Variants in ZNF891 observed in about 807,000 individuals in gnomAD.
ZNF891 encodes zinc finger protein 891.
For missense variants in ZNF891, 589 were observed against 632.7 expected (o/e 0.93, Z 0.74); for synonymous variants, 199 against 209.0 (o/e 0.95, Z 0.41).
At position 133,116,097 on chromosome 12, in the gene ZNF891, C is replaced by T. The variant is rs1338430033; in HGVS notation, c.*4187G>A. The T allele has an allele frequency of 6.6e-6, 1 of 152,134 alleles. No homozygotes were observed. The highest frequency in any genetic ancestry group is 2.4e-5 in the African/African-American group (1 of 41,406). The allele number at this position is 152,134 out of a possible 1,614,324, so 9.4% of individuals were successfully genotyped here. On this transcript the variant is annotated 3_prime_UTR_variant, in exon 2 of 2. Transcript: ENST00000537226. ...TCCTTAAGATGATCTCACCCAAGGA[C>T]CACATGCAGTTGGGACGATTTTCTT...
In ZNF891 at chr12:133,123,709, GA is replaced by G. The variant is rs760585563; in HGVS notation, c.-106-1686del. Among the ~76,000 whole-genome samples the G allele has an allele frequency of 3.7e-3, 484 of 131,722 alleles. 1 individual carries two copies. Among genetic ancestry groups the G allele is most frequent in the African/African-American group, 0.011 (408 of 35,990 alleles). The allele number at this position is 131,722 out of a possible 152,430, so 86.4% of individuals were successfully genotyped here. On this transcript the variant is annotated intron_variant, in intron 1 of 1. Transcript: ENST00000537226. ...GGCAACGGAGTGAAATCCTTTGCTT[GA>G]AAAAAAAAAAACAAAAACACACACA...
Position 133,121,136 on chromosome 12 carries a change from T to A in ZNF891, c.783A>T (p.Gln261His). Residue 261 changes from glutamine to histidine, a missense_variant, in exon 2 of 2, where the codon CAA becomes CAT. Physicochemically the swap from Gln to His is conservative, Grantham distance 24 (BLOSUM62 0). Transcript: ENST00000537226. ...DTTLWHFQRN[Q>H]TVQKEYTYSK... ...AATATGTGTACTCTTTTTGTACTGTTTGATTTCTCTGAAAATGCCATAGAG... is the reference window on the plus strand; with the variant it reads ...AATATGTGTACTCTTTTTGTACTGTATGATTTCTCTGAAAATGCCATAGAG... 6.5e-7 allele frequency: 1 copy of A among 1,535,382 alleles called. No individual in the cohort carries two copies.
At position 133,106,713 on chromosome 12, in the gene ZNF891, T is replaced by TA; in HGVS notation, c.*13570dup. 1 of 1,400,480 alleles carries TA rather than the reference T, an allele frequency of 7.1e-7. No homozygotes were observed. The highest frequency in any genetic ancestry group is 9.6e-7 in the Non-Finnish European group (1 of 1,044,678). 86.8% of individuals were successfully genotyped at this position (1,400,480 alleles called of 1,614,324 possible). A position where few individuals can be genotyped will look rare whatever the true frequency, so the allele number is the denominator to read the frequency against. On this transcript the variant is annotated 3_prime_UTR_variant, in exon 2 of 2. Coordinates refer to ENST00000537226, the MANE Select transcript of ZNF891 (RefSeq NM_001277291.2). ...TTTTTTAAAAAGAAGTATAATGCCT[T>TA]ACTTCAGAGAACTCTTGGAAAGAAG...
intron 1 of ZNF891, among the ~76,000 whole-genome samples, chr12:133,124,534 T>TAGA (rs1045334821): frequency 1.1e-4 from 16 of 151,748 alleles, no homozygotes; most frequent in African/African-American, 3.9e-4. Context: ...GAAGGTAAAC[T>TAGA]AGAATATCAA....
Position 133,106,341 on chromosome 12 carries a change from A to G in ZNF891, c.*13943T>C, listed in dbSNP as rs774629924. 9.9e-6 allele frequency: 16 copies of G among 1,614,154 alleles called. No homozygotes were observed. The South Asian group carries it at 1.8e-4, about 18-fold the overall frequency. On this transcript the variant is annotated 3_prime_UTR_variant, in exon 2 of 2. Transcript: ENST00000537226. ...CATCAGAGAATTCATGCTGGAGAAAAGCTCTATGAATGTGATGAATGTGGT... is the reference window on the plus strand; with the variant it reads ...CATCAGAGAATTCATGCTGGAGAAAGGCTCTATGAATGTGATGAATGTGGT...
In ZNF891 at chr12:133,117,757, A is replaced by G. The variant is rs78271584; in HGVS notation, c.*2527T>C. On this transcript the variant is annotated 3_prime_UTR_variant, in exon 2 of 2. Transcript: ENST00000537226. ...CTATTATTCAAACTTGTCTACATCC[A>G]GTCTTTACTTCTTTGCCCTTTATTG... is the stretch of plus-strand genomic sequence containing the variant. The G allele has an allele frequency of 0.018, 2,803 of 152,276 alleles. 70 individuals are homozygous for G. The highest frequency in any genetic ancestry group is 0.063 in the African/African-American group (2,611 of 41,556). 9.4% of individuals were successfully genotyped at this position (152,276 alleles called of 1,614,324 possible). A position where few individuals can be genotyped will look rare whatever the true frequency, so the allele number is the denominator to read the frequency against.
At position 133,126,429 on chromosome 12, in the gene ZNF891, G is replaced by A. The variant is rs184288976; in HGVS notation, c.-107+3798C>T. Among the ~76,000 whole-genome samples the A allele has an allele frequency of 3.9e-4, 54 of 136,980 alleles. No homozygotes were observed. The East Asian group carries it at 9.9e-3, about 25-fold the overall frequency. The allele number at this position is 136,980 out of a possible 152,430, so 89.9% of individuals were successfully genotyped here. ...GTGGAGCTTGCAGTGAGCCGAGGTC[G>A]TACCACTGCACTCCAGCCTGGGCAA... On this transcript the variant is annotated intron_variant, in intron 1 of 1. Transcript: ENST00000537226.
chr12:133,113,232 C>T lies in ZNF891; in HGVS notation c.*7052G>A, dbSNP rs918346615. On this transcript the variant is annotated 3_prime_UTR_variant, in exon 2 of 2. Transcript: ENST00000537226. ...TTTACAACTTTGAAGATATTAAAAT[C>T]ATGCTTTAAAAAGTATTTATTAAAA... 6.6e-6 allele frequency: 1 copy of T among 151,366 alleles called. No individual in the cohort carries two copies. The allele number at this position is 151,366 out of a possible 1,614,324, so 9.4% of individuals were successfully genotyped here. A position where few individuals can be genotyped will look rare whatever the true frequency, so the allele number is the denominator to read the frequency against.
rs1312223087 is a variant in ZNF891 at position 133,110,305 on chromosome 12, G to C, written c.*9979C>G. The C allele has an allele frequency of 6.6e-6, 1 of 152,126 alleles. No individual in the cohort carries two copies. Among genetic ancestry groups the C allele is most frequent in the Non-Finnish European group, 1.5e-5 (1 of 68,022 alleles). The allele number at this position is 152,126 out of a possible 1,614,324, so 9.4% of individuals were successfully genotyped here. A position where few individuals can be genotyped will look rare whatever the true frequency, so the allele number is the denominator to read the frequency against. On this transcript the variant is annotated 3_prime_UTR_variant, in exon 2 of 2. Transcript: ENST00000537226. ...TATTAATTTGGCTCTCATGATCTGG[G>C]GACTGGTTAAGTGTGTTCTATTTGG...
In ZNF891 at chr12:133,120,725, G is replaced by A; in HGVS notation, c.1194C>T (p.His398=). ...TACATTCATAAGGTTTCTCTCCAGT[G>A]TGAGTTCTCATGTGAGCCTTAAGGG... ...KTSLKAHMRT[H]TGEKPYECNQ... is the part of the protein sequence containing the mutation. The change falls in exon 2 of 2, where the codon CAC becomes CAT. Residue 398 remains histidine (H), a synonymous_variant. Transcript: ENST00000537226. 6.4e-7 allele frequency: 1 copy of A among 1,567,614 alleles called. No homozygotes were observed. The highest frequency in any genetic ancestry group is 8.6e-7 in the Non-Finnish European group (1 of 1,157,058).
chr12:133,120,512 G>A lies in ZNF891; in HGVS notation c.1407C>T (p.Phe469=), dbSNP rs780554133. The A allele has an allele frequency of 2.5e-5, 39 of 1,583,540 alleles. No individual in the cohort carries two copies. In the Middle Eastern group the frequency reaches 5.0e-4, roughly 20 times the overall value. The part of the protein sequence containing the change: ...VYECSDCGKV[F]SGVSSLRMHI... ...GCATTCTAAGGGATGAGACCCCACTGAAAACTTTCCCACAGTCACTGCATT... is the reference window on the plus strand; with the variant it reads ...GCATTCTAAGGGATGAGACCCCACTAAAAACTTTCCCACAGTCACTGCATT... The change falls in exon 2 of 2, where the codon TTC becomes TTT. Residue 469 remains phenylalanine (F), a synonymous_variant. Coordinates refer to ENST00000537226, the MANE Select transcript of ZNF891 (RefSeq NM_001277291.2).
rs1428247191 is a variant in ZNF891, at chr12:133,105,656, A to G, written c.*14628T>C. 14 of 1,614,114 alleles carry G rather than the reference A, an allele frequency of 8.7e-6. No homozygotes were observed. The African/African-American group carries it at 1.3e-4, about 15-fold the overall frequency. On this transcript the variant is annotated 3_prime_UTR_variant, in exon 2 of 2. Transcript: ENST00000537226. ...AGGAGGCTGGAAATGCAAGGATCAT[A>G]CTGAGATGCTGCAAGAAAATCAGGG...
chr12:133,129,592 G>C (rs1384146349), intron 1 of ZNF891, among the ~76,000 whole-genome samples: 2 of 152,108 alleles, frequency 1.3e-5, no homozygotes, highest in East Asian at 1.9e-4. Context: ...GAGGCGGGCG[G>C]GGGGCGGTGA....
Position 133,107,316 on chromosome 12 carries a change from A to G in ZNF891, c.*12968T>C, listed in dbSNP as rs1169513576. ...AATCTCCTTAGATATCTGAAAAGTC[A>G]TACTGGATGGAATCTGTAGGAAACG... On this transcript the variant is annotated 3_prime_UTR_variant, in exon 2 of 2. Transcript: ENST00000537226. 2 of 152,240 alleles carry G rather than the reference A, an allele frequency of 1.3e-5. No individual in the cohort carries two copies. Among genetic ancestry groups the G allele is most frequent in the Non-Finnish European group, 2.9e-5 (2 of 68,038 alleles). 9.4% of individuals were successfully genotyped at this position (152,240 alleles called of 1,614,324 possible). A position where few individuals can be genotyped will look rare whatever the true frequency, so the allele number is the denominator to read the frequency against.
Position 133,119,373 on chromosome 12 carries a change from G to A in ZNF891, c.*911C>T, listed in dbSNP as rs113091293. ...AACCTGGCCAACATGGTGAAACCCC[G>A]TCTCTATTAAAAATACTAAAATTAG... is the stretch of plus-strand genomic sequence containing the variant. On this transcript the variant is annotated 3_prime_UTR_variant, in exon 2 of 2. Transcript: ENST00000537226. The A allele has an allele frequency of 4.3e-3, 652 of 151,880 alleles. 4 individuals are homozygous for A. The highest frequency in any genetic ancestry group is 0.015 in the African/African-American group (628 of 41,404). 9.4% of individuals were successfully genotyped at this position (151,880 alleles called of 1,614,324 possible).
At position 133,115,418 on chromosome 12, in the gene ZNF891, A is replaced by AAAAAAAAAAAAAAAAAAAG. The variant is rs1378147255; in HGVS notation, c.*4865_*4866insCTTTTTTTTTTTTTTTTTT. ...AAAAAAAAAAAAAAAAAAAAAAAAGATGTGGGATAAAAGGTATAACTCAAT... is the reference window on the plus strand; with the variant it reads ...AAAAAAAAAAAAAAAAAAAAAAAAGAAAAAAAAAAAAAAAAAAAGTGTGGGATAAAAGGTATAACTCAAT... On this transcript the variant is annotated 3_prime_UTR_variant, in exon 2 of 2. Coordinates refer to ENST00000537226, the MANE Select transcript of ZNF891 (RefSeq NM_001277291.2). 1 of 139,296 alleles carries AAAAAAAAAAAAAAAAAAAG rather than the reference A, an allele frequency of 7.2e-6. No individual in the cohort carries two copies. The allele number at this position is 139,296 out of a possible 1,614,324, so 8.6% of individuals were successfully genotyped here.
At position 133,115,863 on chromosome 12, in the gene ZNF891, C is replaced by T. The variant is rs568996702; in HGVS notation, c.*4421G>A. 6 of 152,284 alleles carry T rather than the reference C, an allele frequency of 3.9e-5. No individual in the cohort carries two copies. The highest frequency in any genetic ancestry group is 1.4e-4 in the African/African-American group (6 of 41,572). The allele number at this position is 152,284 out of a possible 1,614,324, so 9.4% of individuals were successfully genotyped here. ...ATTTGCATTATACCTACTAGTTGAG[C>T]ATCACAAATCTGAAAATCCAAAATT... On this transcript the variant is annotated 3_prime_UTR_variant, in exon 2 of 2. Transcript: ENST00000537226.
Position 133,121,792 on chromosome 12 carries a change from T to C in ZNF891, c.127A>G (p.Met43Val), listed in dbSNP as rs767651760. The C allele has an allele frequency of 7.2e-6, 11 of 1,536,738 alleles. No homozygotes were observed. The highest frequency in any genetic ancestry group is 4.8e-5 in the South Asian group (4 of 84,062). Reference sequence around the variant, plus strand: ...TCCACAGCTACATCTTTGAAAGTCATTGGTTCCTGTAACCAGGTTGTCAGA... The same window carrying C: ...TCCACAGCTACATCTTTGAAAGTCACTGGTTCCTGTAACCAGGTTGTCAGA... ...VFLTTWLQEP[M>V]TFKDVAVEFT... is the part of the protein sequence containing the mutation. The change falls in exon 2 of 2, where the codon ATG becomes GTG. Residue 43 changes from methionine to valine, a missense_variant. Coordinates refer to ENST00000537226, the MANE Select transcript of ZNF891 (RefSeq NM_001277291.2).
Position 133,121,824 on chromosome 12 carries a change from G to A in ZNF891, c.95C>T (p.Ala32Val). 6.5e-7 allele frequency: 1 copy of A among 1,536,728 alleles called. No homozygotes were observed. ...CTGTAACCAGGTTGTCAGAAATACA[G>A]CAATCATCCTTTCCTCTTCAGCATT... Reference protein sequence around the residue: ...LRNAEEERMIAVFLTTWLQEP... With the variant: ...LRNAEEERMIVVFLTTWLQEP... The change falls in exon 2 of 2, where the codon GCT becomes GTT. Residue 32 changes from alanine to valine, a missense_variant. Coordinates refer to ENST00000537226, the MANE Select transcript of ZNF891 (RefSeq NM_001277291.2).
Sources: gnomAD v4.1 joint callset for allele counts (sites outside exome capture counted in the v4.1 genomes callset) on GRCh38, gnomAD v4.1.1 for gene constraint, MANE v1.5 for transcripts, NCBI Gene and HGNC (gene_info 2026-07-23, HGNC 2026-07-21) for gene names.